The following FUT9 variants were observed in gnomAD, a reference collection of about 807,000 sequenced individuals.
The protein encoded by FUT9 is fucosyltransferase 9, also known as 4-galactosyl-N-acetylglucosaminide 3-alpha-L-fucosyltransferase 9.
A neutral mutation model predicts 29.7 loss-of-function variants in FUT9; 15 were observed. The observed-to-expected ratio is 0.51, with a 90% confidence interval of 0.34 to 0.78. The LOEUF is 0.78. Ranked by LOEUF, FUT9 falls within the 30% of genes least tolerant of loss-of-function variation. The probability of loss-of-function intolerance (pLI) is 0.01; values close to 1 mark genes in which losing one functional copy is unlikely to be tolerated. For synonymous variants in FUT9, 169 were observed against 153.7 expected (o/e 1.10, Z -0.74); for missense variants, 319 against 425.4 (o/e 0.75, Z 2.20).
chr6:96,082,726 T>G (rs1453718473), intron 1 of FUT9, among the ~76,000 whole-genome samples: 1 of 151,924 alleles, frequency 6.6e-6, no homozygotes, highest in Non-Finnish European at 1.5e-5. Flanking sequence ...CTATCTACTA[T>G]TTTTTGGAGA....
At chr6:96,020,400 T>A (rs941208058) in intron 1 of FUT9, among the ~76,000 whole-genome samples, 4 of 152,142 alleles carry the variant, frequency 2.6e-5, no homozygotes, top group South Asian at 2.1e-4. Flanking sequence ...AGGTTTCGTA[T>A]CCATATGTTT....
intron 2 of FUT9, among the ~76,000 whole-genome samples, chr6:96,158,014 T>C (rs1452475438): frequency 2.0e-5 from 3 of 152,200 alleles, no homozygotes; most frequent in Admixed American, 6.5e-5. Context: ...GAATCACTAA[T>C]AGAACAAGCA....
In FUT9 at chr6:96,208,105, T is replaced by C. The variant is rs945043362; in HGVS notation, c.*3870T>C. The C allele has an allele frequency of 1.8e-5, 3 of 166,944 alleles. No homozygotes were observed. Among genetic ancestry groups the C allele is most frequent in the African/African-American group, 4.8e-5 (2 of 41,434 alleles). 10.3% of individuals were successfully genotyped at this position (166,944 alleles called of 1,614,324 possible). A position where few individuals can be genotyped will look rare whatever the true frequency, so the allele number is the denominator to read the frequency against. ...GAGGGGCTTAGAAAGCTCAGCGCAT[T>C]TGATGTATAAAGCAACAGAATATTT... is the stretch of plus-strand genomic sequence containing the variant. On this transcript the variant is annotated 3_prime_UTR_variant, in exon 3 of 3. Transcript: ENST00000302103.
At chr6:96,073,247 G>A (rs2127948172) in intron 1 of FUT9, among the ~76,000 whole-genome samples, 1 of 152,152 alleles carries the variant, frequency 6.6e-6, no homozygotes, top group Non-Finnish European at 1.5e-5. Flanking sequence ...TCAGGTGTTT[G>A]AGACCAGCCT....
chr6:96,123,881 G>C (rs1470906860), intron 2 of FUT9, among the ~76,000 whole-genome samples: 2 of 151,722 alleles, frequency 1.3e-5, no homozygotes, highest in African/African-American at 4.8e-5. Context: ...GAAATAACTA[G>C]AAACTTGTTT....
chr6:96,140,190 A>AAG (rs1772436689), intron 2 of FUT9, among the ~76,000 whole-genome samples: 2 of 152,148 alleles, frequency 1.3e-5, no homozygotes, highest in Non-Finnish European at 2.9e-5. Context: ...CCTTTACTCC[A>AAG]GTTCCCAACG....
At chr6:96,200,342 A>G (rs117396821) in intron 2 of FUT9, among the ~76,000 whole-genome samples, 2,694 of 152,286 alleles carry the variant, frequency 0.018, 48 homozygotes, top group Middle Eastern at 0.048. Context: ...CCAATAGCAA[A>G]TGGATTATTC....
chr6:96,052,567 A>C (rs2127939125), intron 1 of FUT9, among the ~76,000 whole-genome samples: 1 of 152,272 alleles, frequency 6.6e-6, no homozygotes, highest in East Asian at 1.9e-4. Flanking sequence ...AAGAAATAGA[A>C]AGTTGGAAAG....
chr6:96,079,333 C>G (rs564462158), intron 1 of FUT9, among the ~76,000 whole-genome samples: 1 of 152,274 alleles, frequency 6.6e-6, no homozygotes, highest in South Asian at 2.1e-4. Flanking sequence ...CTCTCCCTCT[C>G]TCTAGGTATT....
chr6:96,100,469 T>C (rs1771570231), intron 1 of FUT9, among the ~76,000 whole-genome samples: 1 of 152,208 alleles, frequency 6.6e-6, no homozygotes, highest in Non-Finnish European at 1.5e-5. Flanking sequence ...GATTTAAAGA[T>C]GAAACTTTAT....
Position 96,051,207 on chromosome 6 carries a change from C to T in FUT9, c.-98+34995C>T, listed in dbSNP as rs747764008. ...CTATATATTATACCTAATTTACATA[C>T]CTGGCCTTTGTGGGGCATGCTTTTA... On this transcript the variant is annotated intron_variant, in intron 1 of 2. Coordinates refer to ENST00000302103, the MANE Select transcript of FUT9 (RefSeq NM_006581.4). Among the ~76,000 whole-genome samples the T allele has an allele frequency of 8.9e-4, 136 of 152,002 alleles. 1 individual carries two copies. The highest frequency in any genetic ancestry group is 3.1e-4 in the Non-Finnish European group (21 of 68,012).
chr6:96,190,840 C>T (rs542862084), intron 2 of FUT9, among the ~76,000 whole-genome samples: 5 of 152,220 alleles, frequency 3.3e-5, no homozygotes, highest in South Asian at 2.1e-4. Flanking sequence ...AGCTTCTTTG[C>T]GATGGGTTCA....
rs2127993535 is a variant in FUT9 at position 96,210,582 on chromosome 6, A to G, written c.*6347A>G. The G allele has an allele frequency of 6.0e-6, 1 of 167,002 alleles. No homozygotes were observed. Among genetic ancestry groups the G allele is most frequent in the African/African-American group, 2.4e-5 (1 of 41,538 alleles). 10.3% of individuals were successfully genotyped at this position (167,002 alleles called of 1,614,324 possible). ...CTCGTCTTGGAGGAACTATTAGGAA[A>G]ATAAAAGATTATATATCTTGAAAAA... is the stretch of plus-strand genomic sequence containing the variant. On this transcript the variant is annotated 3_prime_UTR_variant, in exon 3 of 3. Transcript: ENST00000302103.
chr6:96,037,577 G>A (rs997228812), intron 1 of FUT9: 2 of 151,796 alleles, frequency 1.3e-5, no homozygotes, highest in African/African-American at 2.4e-5. Context: ...AGCAAATACT[G>A]GAAAAAGGGG....
intron 1 of FUT9, among the ~76,000 whole-genome samples, chr6:96,100,042 C>T (rs191976999): frequency 1.2e-4 from 19 of 152,016 alleles, no homozygotes; most frequent in Admixed American, 1.0e-3. Flanking sequence ...TGATCCAGTA[C>T]CAAAGGGGTA....
intron 2 of FUT9, among the ~76,000 whole-genome samples, chr6:96,137,591 CAA>C (rs1457823645): frequency 1.3e-5 from 2 of 151,886 alleles, no homozygotes; most frequent in African/African-American, 2.4e-5. Flanking sequence ...CACTTAACAT[CAA>C]GAGTGGTAAG....
intron 2 of FUT9, among the ~76,000 whole-genome samples, chr6:96,165,052 A>G (rs1290255822): frequency 6.6e-6 from 1 of 152,216 alleles, no homozygotes; most frequent in Non-Finnish European, 1.5e-5. Context: ...ATGGGTCAGT[A>G]TAAAGTAAGA....
intron 1 of FUT9, among the ~76,000 whole-genome samples, chr6:96,040,081 C>T (rs868156701): frequency 6.6e-6 from 1 of 151,966 alleles, no homozygotes. Context: ...ATGTATGTGA[C>T]CTATGACATT....
At chr6:96,034,875 A>ACAATTTTTTT in intron 1 of FUT9, among the ~76,000 whole-genome samples, 1 of 151,778 alleles carries the variant, frequency 6.6e-6, no homozygotes, top group Admixed American at 6.6e-5. Context: ...TTTGTAAGAA[A>ACAATTTTTTT]GATCAGTTTT....
Sources: gnomAD v4.1 joint callset for allele counts (sites outside exome capture counted in the v4.1 genomes callset) on GRCh38, gnomAD v4.1.1 for gene constraint, MANE v1.5 for transcripts, NCBI Gene and HGNC (gene_info 2026-07-23, HGNC 2026-07-21) for gene names.